The following GANC variants were observed in gnomAD, a reference collection of about 807,000 sequenced individuals.
GANC encodes the protein neutral alpha-glucosidase C.
In GANC, 117 loss-of-function variants were observed where a neutral mutation model predicts 124.2. That is an observed-to-expected ratio of 0.94 (90% CI 0.81 to 1.10). The LOEUF (loss-of-function observed/expected upper bound fraction) is 1.10. Among genes scored for constraint, GANC ranks in the 50% least tolerant of loss-of-function variants. The pLI, the probability that GANC is intolerant of heterozygous loss-of-function variation, is 0.00. For synonymous variants in GANC, 377 were observed against 376.8 expected (o/e 1.00, Z -0.01); for missense variants, 1,140 against 1,095.0 (o/e 1.04, Z -0.58).
chr15:42,317,066 T>G (rs2052112868), intron 10 of GANC, among the ~76,000 whole-genome samples: 1 of 152,256 alleles, frequency 6.6e-6, no homozygotes, highest in African/African-American at 2.4e-5. Flanking sequence ...ATTCTAACTA[T>G]TTTCTTTATT....
chr15:42,326,224 A>T, intron 11 of GANC, 74 bp from the exon 12 acceptor site: 1 of 1,075,374 alleles, frequency 9.3e-7, no homozygotes, highest in African/African-American at 1.6e-5. Flanking sequence ...CCCCCAAACT[A>T]TGGCGAAAAC....
At chr15:42,306,074 T>A (rs2051992739) in intron 6 of GANC, among the ~76,000 whole-genome samples, 1 of 150,956 alleles carries the variant, frequency 6.6e-6, no homozygotes. Context: ...TCGCCCAGGC[T>A]GGAGTGCAGT....
chr15:42,300,673 C>T (rs534808485), intron 6 of GANC, among the ~76,000 whole-genome samples: 1 of 152,184 alleles, frequency 6.6e-6, no homozygotes, highest in African/African-American at 2.4e-5. Flanking sequence ...GCACTATTTA[C>T]AATAGCAAAG....
rs1408862547 is a variant in GANC, at chr15:42,333,040, T to TATA, written c.1741+2368_1741+2369insATA. ...TCTCAAAAAATATATATATATATAT[T>TATA]TTTTTTGGTCACGAGCAGTGGCTCA... On this transcript the variant is annotated intron_variant, in intron 15 of 23. Coordinates refer to ENST00000318010, the MANE Select transcript of GANC (RefSeq NM_198141.3). 8.5e-3 allele frequency among the ~76,000 whole-genome samples: 676 copies of TATA among 79,350 alleles called. 4 individuals are homozygous for TATA. Among genetic ancestry groups the TATA allele is most frequent in the African/African-American group, 0.019 (574 of 29,632 alleles). 52.1% of individuals were successfully genotyped at this position (79,350 alleles called of 152,430 possible).
At chr15:42,316,927 T>A (rs2052110995) in intron 10 of GANC, among the ~76,000 whole-genome samples, 1 of 152,190 alleles carries the variant, frequency 6.6e-6, no homozygotes, top group South Asian at 2.1e-4. Context: ...TACCCGCTGG[T>A]TATTCTAGGT....
chr15:42,334,103 A>G (rs1000015979), intron 15 of GANC, among the ~76,000 whole-genome samples: 2 of 152,200 alleles, frequency 1.3e-5, no homozygotes, highest in Non-Finnish European at 2.9e-5. Flanking sequence ...AAACTAAAAA[A>G]TTAACTCATT....
At chr15:42,287,474 C>T (rs2051801106) in intron 3 of GANC, among the ~76,000 whole-genome samples, 1 of 152,104 alleles carries the variant, frequency 6.6e-6, no homozygotes, top group African/African-American at 2.4e-5. Flanking sequence ...TTCACCTAGC[C>T]ACAGAACACA....
chr15:42,280,522 A>G (rs2051721069), intron 3 of GANC, among the ~76,000 whole-genome samples: 1 of 152,196 alleles, frequency 6.6e-6, no homozygotes, highest in Non-Finnish European at 1.5e-5. Context: ...AGTTGGCTCC[A>G]GGAAATGCAT....
At chr15:42,319,638 A>G (rs888233975) in intron 10 of GANC, among the ~76,000 whole-genome samples, 1 of 152,150 alleles carries the variant, frequency 6.6e-6, no homozygotes, top group African/African-American at 2.4e-5. Flanking sequence ...GAGATCTTCT[A>G]AGTATTTTTA....
At chr15:42,328,761 A>G (rs1365732724) in intron 13 of GANC, among the ~76,000 whole-genome samples, 1 of 152,250 alleles carries the variant, frequency 6.6e-6, no homozygotes, top group Non-Finnish European at 1.5e-5. Flanking sequence ...ATACCATGTT[A>G]GCTAGATGAC....
Position 42,350,022 on chromosome 15 carries a change from C to CTTTT in GANC, c.2531+549_2531+552dup, listed in dbSNP as rs753077889. On this transcript the variant is annotated intron_variant, in intron 22 of 23. Transcript: ENST00000318010. ...ATTGTCTTCACCTTTCTTTCCCCCA[C>CTTTT]TTTTTTTTTTTTTTTTTTTTTTTTT... Among the ~76,000 whole-genome samples the CTTTT allele has an allele frequency of 2.1e-3, 160 of 75,036 alleles. 1 individual carries two copies. Among genetic ancestry groups the CTTTT allele is most frequent in the Middle Eastern group, 0.016 (1 of 62 alleles). 49.2% of individuals were successfully genotyped at this position (75,036 alleles called of 152,430 possible). A position where few individuals can be genotyped will look rare whatever the true frequency, so the allele number is the denominator to read the frequency against.
intron 4 of GANC, among the ~76,000 whole-genome samples, chr15:42,290,436 G>C (rs7183741): frequency 0.011 from 1,629 of 152,308 alleles, 26 homozygotes; most frequent in African/African-American, 0.037. Flanking sequence ...ATCAGATGCA[G>C]AGTTTGATAT....
At chr15:42,343,417 T>G in intron 19 of GANC, 1 of 430,090 alleles carries the variant, frequency 2.3e-6, no homozygotes, top group Non-Finnish European at 4.3e-6. Flanking sequence ...TAAAAGTGAG[T>G]CCTGATAAAC....
intron 3 of GANC, among the ~76,000 whole-genome samples, chr15:42,281,629 G>A (rs1372952822): frequency 1.3e-5 from 2 of 152,290 alleles, no homozygotes; most frequent in East Asian, 3.9e-4. Flanking sequence ...AGGTTGCAGT[G>A]AGCCAAGATT....
intron 10 of GANC, among the ~76,000 whole-genome samples, chr15:42,311,107 A>G (rs756869009): frequency 3.3e-5 from 5 of 152,094 alleles, no homozygotes; most frequent in Non-Finnish European, 5.9e-5. Flanking sequence ...GGCTATCTCT[A>G]CCTTTATCTC....
chr15:42,278,498 C>T lies in GANC; in HGVS notation c.109C>T (p.Leu37Phe), dbSNP rs765232793. The change falls in exon 3 of 24, where the codon CTT becomes TTT. Residue 37 changes from leucine to phenylalanine, a missense_variant. Transcript: ENST00000318010. Reference protein sequence around the residue: ...IAFYRRQKQWLSKKSTYQALL... With the variant: ...IAFYRRQKQWFSKKSTYQALL... ...TATCTATAGGCGTCAGAAACAGTGGCTTTCCAAGAAGTCCACCTATCAGGC... is the reference window on the plus strand; with the variant it reads ...TATCTATAGGCGTCAGAAACAGTGGTTTTCCAAGAAGTCCACCTATCAGGC... 6.2e-7 allele frequency: 1 copy of T among 1,609,676 alleles called. No individual in the cohort carries two copies. Among genetic ancestry groups the T allele is most frequent in the South Asian group, 1.1e-5 (1 of 90,414 alleles).
chr15:42,309,164 A>T (rs1259069577), intron 8 of GANC, among the ~76,000 whole-genome samples: 1 of 152,148 alleles, frequency 6.6e-6, no homozygotes, highest in African/African-American at 2.4e-5. Flanking sequence ...GAGTCTGATA[A>T]GATTGCCAGG....
chr15:42,339,455 A>T (rs1326350202), intron 16 of GANC, among the ~76,000 whole-genome samples: 4 of 152,088 alleles, frequency 2.6e-5, no homozygotes, highest in Non-Finnish European at 5.9e-5. Context: ...TGACCTTTCG[A>T]CAAGAAAGTA....
At position 42,352,584 on chromosome 15, in the gene GANC, TC is replaced by T. The variant is rs1007075994; in HGVS notation, c.*451del. On this transcript the variant is annotated 3_prime_UTR_variant, in exon 24 of 24. Coordinates refer to ENST00000318010, the MANE Select transcript of GANC (RefSeq NM_198141.3). Reference sequence around the variant, plus strand: ...CCAAGTGGACAGCAGCCTCTGGTACTCCCCCCAGTTATCTTCCACCCACATG... The same window carrying T: ...CCAAGTGGACAGCAGCCTCTGGTACTCCCCCAGTTATCTTCCACCCACATG... 40 of 1,009,344 alleles carry T rather than the reference TC, an allele frequency of 4.0e-5. No individual in the cohort carries two copies. The highest frequency in any genetic ancestry group is 5.2e-5 in the Admixed American group (1 of 19,138). The allele number at this position is 1,009,344 out of a possible 1,614,324, so 62.5% of individuals were successfully genotyped here.
Sources: allele counts gnomAD v4.1 joint callset (sites outside exome capture counted in the v4.1 genomes callset), GRCh38; gene constraint gnomAD v4.1.1; transcripts MANE v1.5; gene names NCBI Gene and HGNC (gene_info 2026-07-23, HGNC 2026-07-21).